TEX36: variants seen among roughly 807,000 people sequenced by gnomAD.
TEX36 encodes the protein testis-expressed protein 36.
A neutral mutation model predicts 13.6 loss-of-function variants in TEX36; 12 were observed. The ratio of observed to expected loss-of-function variants is 0.88; its 90% confidence interval spans 0.56 to 1.43. The LOEUF is 1.43. TEX36 is among the 40% of genes most tolerant of loss of function. The pLI, the probability that TEX36 is intolerant of heterozygous loss-of-function variation, is 0.00. For missense variants in TEX36, 224 were observed against 228.3 expected, an observed-to-expected ratio of 0.98 and a Z score of 0.12; for synonymous variants, 93 against 83.0, an observed-to-expected ratio of 1.12 and a Z score of -0.65.
chr10:125,613,550 G>A lies in TEX36; in HGVS notation c.265-36676C>T, dbSNP rs575799349. 1.0e-4 allele frequency among the ~76,000 whole-genome samples: 15 copies of A among 149,436 alleles called. No individual in the cohort carries two copies. The East Asian group carries it at 2.2e-3, about 22-fold the overall frequency. On this transcript the variant is annotated intron_variant, in intron 3 of 3. Coordinates refer to the TEX36 transcript ENST00000532135. ...GCGGTGTTTGGTTTTTTGTTCTTGC[G>A]ATAGTTTACTGAGAATGATGATTTC...
Position 125,683,005 on chromosome 10 carries a change from G to A in TEX36, c.-16C>T. The A allele has an allele frequency of 6.4e-7, 1 of 1,551,730 alleles. No homozygotes were observed. Among genetic ancestry groups the A allele is most frequent in the South Asian group, 1.2e-5 (1 of 84,060 alleles). ...CTTTGGTCATTCTCTCCAGGAAGCTGAATGTGGCTGAGATTGGCTCCCTCA... is the reference window on the plus strand; with the variant it reads ...CTTTGGTCATTCTCTCCAGGAAGCTAAATGTGGCTGAGATTGGCTCCCTCA... On this transcript the variant is annotated 5_prime_UTR_variant, in exon 1 of 4. Transcript: ENST00000368821.
intron 3 of TEX36, among the ~76,000 whole-genome samples, chr10:125,581,930 T>C (rs1402051904): frequency 6.6e-6 from 1 of 152,238 alleles, no homozygotes; most frequent in East Asian, 1.9e-4. Context: ...GAGCAGAGTT[T>C]GGCTTCAGCC....
chr10:125,619,891 G>A (rs529024811), downstream of TEX36, among the ~76,000 whole-genome samples: 1 of 151,284 alleles, frequency 6.6e-6, no homozygotes, highest in South Asian at 2.1e-4. Flanking sequence ...ATATATATAT[G>A]TGTGCATATA....
At position 125,661,033 on chromosome 10, in the gene TEX36, G is replaced by A. The variant is rs1847027749; in HGVS notation, c.252C>T (p.Cys84=). Residue 84 remains cysteine (C), a synonymous_variant, in exon 3 of 4, where the codon TGC becomes TGT. Coordinates refer to ENST00000368821, the MANE Select transcript of TEX36 (RefSeq NM_001128202.3). ...AAGAAATACTCACGGAGTCAAGGTA[G>A]CATCCAGAGTTCTCCAAGCTGTGCC... ...DNRHSLENSG[C]YLDSGLGRKK... 3 of 1,551,452 alleles carry A rather than the reference G, an allele frequency of 1.9e-6. No individual in the cohort carries two copies. Among genetic ancestry groups the A allele is most frequent in the African/African-American group, 2.7e-5 (2 of 73,036 alleles).
At chr10:125,662,991 TAA>T (rs1847071169) in intron 1 of TEX36, among the ~76,000 whole-genome samples, 1 of 152,080 alleles carries the variant, frequency 6.6e-6, no homozygotes, top group South Asian at 2.1e-4. Flanking sequence ...GAATGGAAAT[TAA>T]AAAGACAAGA....
In TEX36 at chr10:125,667,748, T is replaced by C. The variant is rs1847146761; in HGVS notation, c.52-5771A>G. On this transcript the variant is annotated intron_variant, in intron 1 of 3. Coordinates refer to ENST00000368821, the MANE Select transcript of TEX36 (RefSeq NM_001128202.3). ...GTCCCCGATGCAGGGGTTCACGCAG[T>C]CGTCAGCTGTCAGCAGCAGCTGACA... The C allele has an allele frequency of 3.7e-6, 3 of 814,844 alleles. No individual in the cohort carries two copies. In the South Asian group the frequency reaches 4.5e-5, roughly 12 times the overall value. The allele number at this position is 814,844 out of a possible 1,614,324, so 50.5% of individuals were successfully genotyped here. A position where few individuals can be genotyped will look rare whatever the true frequency, so the allele number is the denominator to read the frequency against.
At chr10:125,662,093 A>G in intron 1 of TEX36, 116 bp from the exon 2 acceptor site, 1 of 1,311,952 alleles carries the variant, frequency 7.6e-7, no homozygotes, top group Non-Finnish European at 1.0e-6. Flanking sequence ...TTGGCATGCA[A>G]TGGAAATGGC....
chr10:125,614,316 T>C (rs961060988), intron 3 of TEX36, among the ~76,000 whole-genome samples: 10 of 152,344 alleles, frequency 6.6e-5, no homozygotes, highest in African/African-American at 9.6e-5. Flanking sequence ...TTGGCTTTTG[T>C]TGCCATTGCT....
chr10:125,621,038 C>T (rs879295724), downstream of TEX36, among the ~76,000 whole-genome samples: 2 of 152,094 alleles, frequency 1.3e-5, no homozygotes, highest in Admixed American at 1.3e-4. Context: ...CATCAATGGA[C>T]ACTTATTTCT....
In TEX36 at chr10:125,595,519, G is replaced by A. The variant is rs74818155; in HGVS notation, c.265-18645C>T. On this transcript the variant is annotated intron_variant, in intron 3 of 3. Coordinates refer to the TEX36 transcript ENST00000532135. Reference sequence around the variant, plus strand: ...TAAAGTATAAGTCAGATACATCACCGACCTGCTCAGTAGCCCCTCCTGCTC... The same window carrying A: ...TAAAGTATAAGTCAGATACATCACCAACCTGCTCAGTAGCCCCTCCTGCTC... Among the ~76,000 whole-genome samples the A allele has an allele frequency of 1.6e-3, 246 of 152,172 alleles. 1 individual carries two copies. Among genetic ancestry groups the A allele is most frequent in the African/African-American group, 5.6e-3 (234 of 41,522 alleles).
intron 3 of TEX36, among the ~76,000 whole-genome samples, chr10:125,625,960 T>C (rs780849289): frequency 6.6e-6 from 1 of 152,200 alleles, no homozygotes; most frequent in Non-Finnish European, 1.5e-5. Flanking sequence ...GACCGCCCCC[T>C]GCCATGAAGG....
downstream of TEX36, among the ~76,000 whole-genome samples, chr10:125,653,683 G>T (rs1846900501): frequency 6.6e-6 from 1 of 151,588 alleles, no homozygotes; most frequent in Non-Finnish European, 1.5e-5. Flanking sequence ...TGACACAAAA[G>T]CTTAACATCT....
At position 125,585,945 on chromosome 10, in the gene TEX36, C is replaced by T. The variant is rs114866580; in HGVS notation, c.265-9071G>A. The stretch of plus-strand genomic sequence containing the variant: ...AGGAAGGTTTGGAAACTTCCCTGCC[C>T]TACAGGAGCTAACTGTCCCATAGGA... On this transcript the variant is annotated intron_variant, in intron 3 of 3. Transcript: ENST00000532135. Among the ~76,000 whole-genome samples, 472 of 152,340 alleles carry T rather than the reference C, an allele frequency of 3.1e-3. 6 individuals are homozygous for T. The highest frequency in any genetic ancestry group is 0.01 in the African/African-American group (426 of 41,588).
chr10:125,642,715 C>G (rs918524391), intron 3 of TEX36, among the ~76,000 whole-genome samples: 1 of 152,006 alleles, frequency 6.6e-6, no homozygotes, highest in Non-Finnish European at 1.5e-5. Flanking sequence ...GAGCAGAAAA[C>G]CTTGGGTTTG....
At chr10:125,676,906 C>T (rs933943029) in intron 1 of TEX36, among the ~76,000 whole-genome samples, 1 of 152,158 alleles carries the variant, frequency 6.6e-6, no homozygotes, top group African/African-American at 2.4e-5. Context: ...AAAGTCCTTC[C>T]CTCAGCATTT....
chr10:125,586,157 A>G (rs1337724527), intron 3 of TEX36, among the ~76,000 whole-genome samples: 1 of 152,240 alleles, frequency 6.6e-6, no homozygotes, highest in African/African-American at 2.4e-5. Context: ...TGTAGATAGC[A>G]TAATTTAGTC....
downstream of TEX36, among the ~76,000 whole-genome samples, chr10:125,654,392 T>C (rs11816452): frequency 0.045 from 6,805 of 152,160 alleles, 239 homozygotes; most frequent in South Asian, 0.18. Context: ...ATCAGACCCA[T>C]GTGAGGAAAA....
At chr10:125,589,757 T>C (rs1017007184) in intron 3 of TEX36, among the ~76,000 whole-genome samples, 1 of 152,220 alleles carries the variant, frequency 6.6e-6, no homozygotes, top group African/African-American at 2.4e-5. Flanking sequence ...GCATCTCTTA[T>C]GTATAGTCAT....
chr10:125,600,018 T>C (rs1264309973), intron 3 of TEX36, among the ~76,000 whole-genome samples: 4 of 152,206 alleles, frequency 2.6e-5, no homozygotes, highest in Non-Finnish European at 5.9e-5. Context: ...GGATTGGCTG[T>C]CTGATTCAGC....
Sources: gnomAD v4.1 joint callset for allele counts (sites outside exome capture counted in the v4.1 genomes callset) on GRCh38, gnomAD v4.1.1 for gene constraint, MANE v1.5 for transcripts, NCBI Gene and HGNC (gene_info 2026-07-23, HGNC 2026-07-21) for gene names.